Variants in SRBD1 observed in about 807,000 individuals in gnomAD.
SRBD1 encodes S1 RNA binding domain 1.
In SRBD1, 88 loss-of-function variants were observed where a neutral mutation model predicts 115.3. The observed-to-expected ratio is 0.76, with a 90% CI of 0.64 to 0.91. SRBD1 has a LOEUF of 0.91. Ranked by LOEUF, SRBD1 falls within the 40% of genes least tolerant of loss-of-function variation. The pLI, the probability that SRBD1 is intolerant of heterozygous loss-of-function variation, is 0.00. For missense variants in SRBD1, 1,385 were observed against 1,177.4 expected (o/e 1.18, Z -2.58); for synonymous variants, 509 against 407.7 (o/e 1.25, Z -2.99).
chr2:45,550,568 A>C (rs1672265181), intron 12 of SRBD1, among the ~76,000 whole-genome samples: 1 of 152,146 alleles, frequency 6.6e-6, no homozygotes, highest in Non-Finnish European at 1.5e-5. Context: ...CCAAGCAAAA[A>C]ATATTCTTCA....
intron 16 of SRBD1, among the ~76,000 whole-genome samples, chr2:45,434,675 G>T (rs1266819705): frequency 1.3e-5 from 2 of 152,032 alleles, no homozygotes; most frequent in African/African-American, 4.8e-5. Flanking sequence ...GTCTCCAGTT[G>T]ACTTAAACTT....
chr2:45,490,022 C>T (rs3770273), intron 14 of SRBD1, among the ~76,000 whole-genome samples: 119,562 of 152,072 alleles, frequency 0.79, 47,416 homozygotes, highest in Non-Finnish European at 0.83. Context: ...TGAGGACATA[C>T]AGGAGTCAAA....
At chr2:45,440,687 G>C (rs1418359700) in intron 16 of SRBD1, among the ~76,000 whole-genome samples, 1 of 152,078 alleles carries the variant, frequency 6.6e-6, no homozygotes, top group African/African-American at 2.4e-5. Context: ...GTGGACTTTA[G>C]AAAAATCAAG....
At chr2:45,512,460 G>A (rs983408893) in intron 14 of SRBD1, among the ~76,000 whole-genome samples, 1 of 152,082 alleles carries the variant, frequency 6.6e-6, no homozygotes, top group South Asian at 2.1e-4. Flanking sequence ...ATACTAAATT[G>A]TACTTATCTG....
At chr2:45,570,544 T>A (rs533818205) in intron 9 of SRBD1, among the ~76,000 whole-genome samples, 77 of 152,236 alleles carry the variant, frequency 5.1e-4, no homozygotes, top group African/African-American at 1.6e-3. Context: ...CTAAATTCCA[T>A]CCCTCCACAA....
chr2:45,518,163 C>T (rs1051157462), intron 14 of SRBD1, among the ~76,000 whole-genome samples: 4 of 151,988 alleles, frequency 2.6e-5, no homozygotes, highest in African/African-American at 9.7e-5. Flanking sequence ...TATTTAGCCT[C>T]CACAATAATC....
At chr2:45,515,926 A>C (rs1257795581) in intron 14 of SRBD1, among the ~76,000 whole-genome samples, 3 of 152,136 alleles carry the variant, frequency 2.0e-5, no homozygotes, top group African/African-American at 7.2e-5. Context: ...ACTCCATGAC[A>C]AGTCCCACAG....
At position 45,440,275 on chromosome 2, in the gene SRBD1, G is replaced by A. The variant is rs57754581; in HGVS notation, c.2050-20381C>T. Among the ~76,000 whole-genome samples, 1,051 of 152,270 alleles carry A rather than the reference G, an allele frequency of 6.9e-3. 16 individuals carry two copies. Among genetic ancestry groups the A allele is most frequent in the African/African-American group, 0.024 (1,002 of 41,544 alleles). Reference sequence around the variant, plus strand: ...TTTGTATGTTATCTAAGAGTCCTGTGTTTAAATTTTAATGCAGACAAACTT... The same window carrying A: ...TTTGTATGTTATCTAAGAGTCCTGTATTTAAATTTTAATGCAGACAAACTT... On this transcript the variant is annotated intron_variant, in intron 16 of 20. Transcript: ENST00000263736.
intron 15 of SRBD1, among the ~76,000 whole-genome samples, chr2:45,478,446 T>C (rs1185951316): frequency 6.6e-6 from 1 of 152,214 alleles, no homozygotes; most frequent in Non-Finnish European, 1.5e-5. Flanking sequence ...ATAGTGACAA[T>C]AGCTCCTTGC....
intron 9 of SRBD1, among the ~76,000 whole-genome samples, chr2:45,563,191 CCTAT>C (rs565565887): frequency 5.3e-5 from 8 of 152,064 alleles, no homozygotes; most frequent in Non-Finnish European, 1.0e-4. Flanking sequence ...AATTGTAGAG[CCTAT>C]CTAAGCACTT....
At chr2:45,551,313 T>C in intron 11 of SRBD1, 31 bp from the exon 12 acceptor site, 1 of 1,573,038 alleles carries the variant, frequency 6.4e-7, no homozygotes, top group Non-Finnish European at 8.6e-7. Context: ...AAAAAGTTTT[T>C]CATTCACCCA....
At chr2:45,448,888 A>G (rs1220114391) in intron 16 of SRBD1, among the ~76,000 whole-genome samples, 1 of 152,194 alleles carries the variant, frequency 6.6e-6, no homozygotes, top group East Asian at 1.9e-4. Context: ...GCACAAAGAG[A>G]AGAAGAAACT....
intron 16 of SRBD1, among the ~76,000 whole-genome samples, chr2:45,435,081 T>C (rs1432509412): frequency 2.6e-5 from 4 of 152,164 alleles, no homozygotes; most frequent in African/African-American, 7.2e-5. Flanking sequence ...GCTTCATCCA[T>C]GTCCCTACAA....
intron 1 of SRBD1, among the ~76,000 whole-genome samples, chr2:45,610,581 A>G (rs1199635084): frequency 1.3e-5 from 2 of 152,204 alleles, no homozygotes; most frequent in Non-Finnish European, 2.9e-5. Flanking sequence ...TATGTTAATG[A>G]CATGTCACGT....
intron 16 of SRBD1, among the ~76,000 whole-genome samples, chr2:45,440,845 G>A (rs1422745529): frequency 7.9e-5 from 12 of 152,122 alleles, no homozygotes; most frequent in Admixed American, 5.2e-4. Flanking sequence ...GGAAGGCAGG[G>A]AGGCATCCTC....
At chr2:45,539,377 T>C (rs905428845) in intron 14 of SRBD1, among the ~76,000 whole-genome samples, 2 of 152,062 alleles carry the variant, frequency 1.3e-5, no homozygotes, top group African/African-American at 2.4e-5. Context: ...AAGAATAAAA[T>C]AGAAAACCCA....
intron 19 of SRBD1, among the ~76,000 whole-genome samples, chr2:45,395,729 G>T (rs1244197746): frequency 6.6e-6 from 1 of 152,086 alleles, no homozygotes; most frequent in Admixed American, 6.5e-5. Flanking sequence ...AACGAACTGG[G>T]AATAGCATTT....
chr2:45,441,108 T>C (rs1402884211), intron 16 of SRBD1, among the ~76,000 whole-genome samples: 2 of 152,184 alleles, frequency 1.3e-5, no homozygotes, highest in East Asian at 1.9e-4. Context: ...ATTATTATTA[T>C]AGACAGTAAA....
intron 16 of SRBD1, among the ~76,000 whole-genome samples, chr2:45,425,381 T>C (rs770642938): frequency 4.6e-5 from 7 of 152,150 alleles, no homozygotes; most frequent in Non-Finnish European, 1.0e-4. Context: ...TCTAAGGAAA[T>C]AGCAAGACAC....
Sources: allele counts gnomAD v4.1 joint callset (sites outside exome capture counted in the v4.1 genomes callset), GRCh38; gene constraint gnomAD v4.1.1; transcripts MANE v1.5; gene names NCBI Gene and HGNC (gene_info 2026-07-23, HGNC 2026-07-21).